Variants in CENPP observed in about 807,000 individuals in gnomAD.
CENPP encodes centromere protein P.
CENPP carries 24 observed loss-of-function variants against 35.6 expected under a neutral mutation model. That is an observed-to-expected ratio of 0.67 (90% CI 0.49 to 0.95). CENPP has a LOEUF of 0.95. Ranked by LOEUF, CENPP falls within the 40% of genes least tolerant of loss-of-function variation. The probability of loss-of-function intolerance (pLI) is 0.00; values close to 1 mark genes in which losing one functional copy is unlikely to be tolerated. For synonymous variants in CENPP, 120 were observed against 125.5 expected (o/e 0.96, Z 0.29); for missense variants, 332 against 345.3 (o/e 0.96, Z 0.31).
At chr9:92,433,293 G>C (rs1844165006) in intron 5 of CENPP, among the ~76,000 whole-genome samples, 1 of 152,156 alleles carries the variant, frequency 6.6e-6, no homozygotes, top group Non-Finnish European at 1.5e-5. Context: ...TCTGAATACT[G>C]TTATGATGGC....
At chr9:92,607,608 G>A (rs536725974) in intron 5 of CENPP, among the ~76,000 whole-genome samples, 8 of 152,170 alleles carry the variant, frequency 5.3e-5, no homozygotes, top group African/African-American at 1.2e-4. Context: ...TCACTGAATC[G>A]GCCAGACATA....
chr9:92,340,754 C>T (rs977398080), intron 3 of CENPP, among the ~76,000 whole-genome samples: 1 of 152,140 alleles, frequency 6.6e-6, no homozygotes, highest in Non-Finnish European at 1.5e-5. Context: ...TCTCTTAATC[C>T]TGTCAGCTGA....
At chr9:92,571,818 C>A (rs1393177655) in intron 5 of CENPP, among the ~76,000 whole-genome samples, 1 of 151,996 alleles carries the variant, frequency 6.6e-6, no homozygotes, top group Non-Finnish European at 1.5e-5. Context: ...TGAATTGATC[C>A]CTTTACCATT....
At chr9:92,567,403 T>TATAGATAGATAG (rs1564005631) in intron 5 of CENPP, among the ~76,000 whole-genome samples, 1 of 138,660 alleles carries the variant, frequency 7.2e-6, no homozygotes, top group African/African-American at 2.7e-5. Context: ...TATAGATATA[T>TATAGATAGATAG]ATATAAAGTG....
intron 5 of CENPP, among the ~76,000 whole-genome samples, chr9:92,500,538 A>T (rs997733354): frequency 5.9e-5 from 9 of 152,242 alleles, no homozygotes; most frequent in Admixed American, 4.6e-4. Flanking sequence ...GGAAAAGCTT[A>T]TAATGAATCC....
chr9:92,378,490 G>T (rs1338097204), intron 4 of CENPP, among the ~76,000 whole-genome samples: 1 of 152,176 alleles, frequency 6.6e-6, no homozygotes, highest in African/African-American at 2.4e-5. Flanking sequence ...GTCCTCCCTT[G>T]ATTCCTGAAG....
chr9:92,380,518 G>A (rs923865680), intron 5 of CENPP, among the ~76,000 whole-genome samples: 3 of 140,486 alleles, frequency 2.1e-5, no homozygotes, highest in Non-Finnish European at 4.9e-5. Flanking sequence ...ACCAGATCAT[G>A]AATATTGTTT....
rs1006000749 is a variant in CENPP at position 92,618,243 on chromosome 9, G to C, written c.*5094G>C. ...GAGTGCTTTGTGCAGGATGGTTCCA[G>C]TGCCTACACCCTAGGTCTGAGAAGC... On this transcript the variant is annotated 3_prime_UTR_variant, in exon 8 of 8. Transcript: ENST00000375587. 12 of 456,548 alleles carry C rather than the reference G, an allele frequency of 2.6e-5. No individual in the cohort carries two copies. The highest frequency in any genetic ancestry group is 1.6e-4 in the Admixed American group (7 of 42,554). The allele number at this position is 456,548 out of a possible 1,614,324, so 28.3% of individuals were successfully genotyped here.
Position 92,442,398 on chromosome 9 carries a change from CAAAAAAAAAA to C in CENPP, c.564+62548_564+62557del, listed in dbSNP as rs71362387. Reference sequence around the variant, plus strand: ...GGACAACAAGAGTGAAACTCTGTCTCAAAAAAAAAAAAAAAAAAGAAAAAACAAAAAAAAA... The same window carrying C: ...GGACAACAAGAGTGAAACTCTGTCTCAAAAAAAAGAAAAAACAAAAAAAAA... On this transcript the variant is annotated intron_variant, in intron 5 of 7. Coordinates refer to ENST00000375587, the MANE Select transcript of CENPP (RefSeq NM_001012267.3). 8.1e-5 allele frequency among the ~76,000 whole-genome samples: 6 copies of C among 74,484 alleles called. No homozygotes were observed. The East Asian group carries it at 3.3e-3, about 41-fold the overall frequency. 48.9% of individuals were successfully genotyped at this position (74,484 alleles called of 152,430 possible). A position where few individuals can be genotyped will look rare whatever the true frequency, so the allele number is the denominator to read the frequency against.
At chr9:92,546,211 A>G (rs1200855455) in intron 5 of CENPP, among the ~76,000 whole-genome samples, 1 of 152,202 alleles carries the variant, frequency 6.6e-6, no homozygotes, top group Non-Finnish European at 1.5e-5. Context: ...CGGACCAATC[A>G]GCTCTCTGTA....
Position 92,615,632 on chromosome 9 carries a change from A to G in CENPP, c.*2483A>G, listed in dbSNP as rs1851406651. The stretch of plus-strand genomic sequence containing the variant: ...GAGTGTGAGCAGCTTCCTGGGACAC[A>G]GCACTCACTTCCTACATTCCTTGTC... On this transcript the variant is annotated 3_prime_UTR_variant, in exon 8 of 8. Coordinates refer to ENST00000375587, the MANE Select transcript of CENPP (RefSeq NM_001012267.3). 1 of 561,006 alleles carries G rather than the reference A, an allele frequency of 1.8e-6. No individual in the cohort carries two copies. Among genetic ancestry groups the G allele is most frequent in the African/African-American group, 1.9e-5 (1 of 53,130 alleles). The allele number at this position is 561,006 out of a possible 1,614,324, so 34.8% of individuals were successfully genotyped here. A position where few individuals can be genotyped will look rare whatever the true frequency, so the allele number is the denominator to read the frequency against.
At chr9:92,433,888 G>A (rs572409260) in intron 5 of CENPP, among the ~76,000 whole-genome samples, 7 of 151,766 alleles carry the variant, frequency 4.6e-5, no homozygotes, top group South Asian at 2.1e-4. Flanking sequence ...AGCCAAGATC[G>A]CGCCATTGCA....
At chr9:92,551,993 GAT>G (rs1228671903) in intron 5 of CENPP, among the ~76,000 whole-genome samples, 1 of 127,484 alleles carries the variant, frequency 7.8e-6, no homozygotes, top group East Asian at 2.1e-4. Context: ...GTATATATGT[GAT>G]ATATATGTGT....
At chr9:92,432,528 A>G (rs974602501) in intron 5 of CENPP, among the ~76,000 whole-genome samples, 2 of 152,132 alleles carry the variant, frequency 1.3e-5, no homozygotes, top group Non-Finnish European at 2.9e-5. Flanking sequence ...TGTGACAACA[A>G]AACTAGCAGA....
chr9:92,465,831 A>C (rs969992836), intron 5 of CENPP, among the ~76,000 whole-genome samples: 10 of 151,210 alleles, frequency 6.6e-5, no homozygotes, highest in Admixed American at 5.3e-4. Context: ...GTTTCAAAGG[A>C]GGTTCTTTTT....
Position 92,615,917 on chromosome 9 carries a change from T to C in CENPP, c.*2768T>C, listed in dbSNP as rs113196202. ...GGCGTTGTCTTTGGCACGTACAGTC[T>C]TTGAATAATAGTTGACGATCTTGCC... On this transcript the variant is annotated 3_prime_UTR_variant, in exon 8 of 8. Coordinates refer to ENST00000375587, the MANE Select transcript of CENPP (RefSeq NM_001012267.3). The C allele has an allele frequency of 3.8e-3, 6,068 of 1,614,186 alleles. 18 individuals carry two copies. The highest frequency in any genetic ancestry group is 4.2e-3 in the Non-Finnish European group (4,907 of 1,180,024).
intron 5 of CENPP, chr9:92,493,487 C>A (rs1248863023): frequency 6.6e-6 from 1 of 152,052 alleles, no homozygotes; most frequent in Non-Finnish European, 1.5e-5. Flanking sequence ...TGATAATAAG[C>A]CAAATCTCAA....
chr9:92,350,235 A>T (rs1841408646), intron 4 of CENPP, among the ~76,000 whole-genome samples: 1 of 152,240 alleles, frequency 6.6e-6, no homozygotes, highest in African/African-American at 2.4e-5. Context: ...GAAATGGGTT[A>T]CTGCCAACAT....
intron 6 of CENPP, 57 bp downstream of exon 6, chr9:92,611,450 T>A: frequency 7.3e-7 from 1 of 1,365,578 alleles, no homozygotes; most frequent in South Asian, 1.2e-5. Flanking sequence ...GGATTCCAAG[T>A]AGGAGACCAC....
Sources: gnomAD v4.1 joint callset for allele counts (sites outside exome capture counted in the v4.1 genomes callset) on GRCh38, gnomAD v4.1.1 for gene constraint, MANE v1.5 for transcripts, NCBI Gene and HGNC (gene_info 2026-07-23, HGNC 2026-07-21) for gene names.